KIFC3: variants seen among roughly 807,000 people sequenced by gnomAD.
The protein encoded by KIFC3 is kinesin family member C3.
KIFC3 carries 60 observed loss-of-function variants against 101.8 expected under a neutral mutation model. The ratio of observed to expected loss-of-function variants is 0.59; its 90% CI spans 0.48 to 0.73. KIFC3 has a LOEUF of 0.73. Among genes scored for constraint, KIFC3 ranks in the 30% least tolerant of loss-of-function variants. The pLI, the probability that KIFC3 is intolerant of heterozygous loss-of-function variation, is 0.00. For synonymous variants in KIFC3, 476 were observed against 482.7 expected, an observed-to-expected ratio of 0.99 and a Z score of 0.18; for missense variants, 966 against 1,137.1, an observed-to-expected ratio of 0.85 and a Z score of 2.16.
At chr16:57,788,101 A>G (rs1229810638) in intron 3 of KIFC3, among the ~76,000 whole-genome samples, 1 of 152,178 alleles carries the variant, frequency 6.6e-6, no homozygotes, top group Non-Finnish European at 1.5e-5. Flanking sequence ...GCCAGGGAAG[A>G]GCTGAGCCAC....
At chr16:57,857,393 TTC>T (rs398100201) in intron 1 of KIFC3, among the ~76,000 whole-genome samples, 21 of 72,956 alleles carry the variant, frequency 2.9e-4, no homozygotes, top group Admixed American at 1.1e-3. Flanking sequence ...CCTAAAACCT[TTC>T]TTTTTTTTTT....
rs202247445 is a variant in KIFC3 at position 57,771,694 on chromosome 16, G to C, written c.382-8C>G. 2 of 1,609,470 alleles carry C rather than the reference G, an allele frequency of 1.2e-6. No homozygotes were observed. Among genetic ancestry groups the C allele is most frequent in the South Asian group, 1.1e-5 (1 of 90,418 alleles). On this transcript the variant is annotated splice_region_variant and splice_polypyrimidine_tract_variant and intron_variant, in intron 4 of 19. Coordinates refer to ENST00000445690, the MANE Select transcript of KIFC3 (RefSeq NM_001130100.2). The stretch of plus-strand genomic sequence containing the variant: ...CTCCAAGTCGGTGCCCCCCTGCAGA[G>C]AGCCAGGGCCGAGGGGGCGCATGTG...
intron 11 of KIFC3, chr16:57,764,478 C>T: frequency 1.9e-6 from 1 of 534,736 alleles, no homozygotes; most frequent in South Asian, 2.1e-5. Flanking sequence ...TGCCTGCTGC[C>T]CTTCCCCCAG....
At chr16:57,857,257 C>T (rs901350432) in intron 1 of KIFC3, among the ~76,000 whole-genome samples, 7 of 152,074 alleles carry the variant, frequency 4.6e-5, no homozygotes, top group African/African-American at 1.2e-4. Flanking sequence ...ATCGCCATAC[C>T]TTAGATACTG....
chr16:57,854,598 A>G (rs2056125262), intron 1 of KIFC3, among the ~76,000 whole-genome samples: 1 of 151,022 alleles, frequency 6.6e-6, no homozygotes, highest in Non-Finnish European at 1.5e-5. Flanking sequence ...ACTCCACTCC[A>G]GCCTGGGTGA....
intron 1 of KIFC3, among the ~76,000 whole-genome samples, chr16:57,821,937 A>G (rs1285345095): frequency 6.6e-6 from 1 of 151,960 alleles, no homozygotes; most frequent in Non-Finnish European, 1.5e-5. Flanking sequence ...TTAGCCTGGC[A>G]TGGTGGCGTA....
At chr16:57,839,129 G>A (rs943994377) in intron 1 of KIFC3, among the ~76,000 whole-genome samples, 1 of 152,002 alleles carries the variant, frequency 6.6e-6, no homozygotes, top group Non-Finnish European at 1.5e-5. Context: ...GGAGGTCAAG[G>A]CTGCAGTGAG....
At chr16:57,821,429 C>T (rs1300058427) in intron 1 of KIFC3, among the ~76,000 whole-genome samples, 4 of 152,182 alleles carry the variant, frequency 2.6e-5, no homozygotes, top group African/African-American at 7.2e-5. Flanking sequence ...CTACAGCTAC[C>T]ACCACAGAGA....
At position 57,801,637 on chromosome 16, in the gene KIFC3, G is replaced by A. The variant is rs578086057; in HGVS notation, c.-40+733C>T. On this transcript the variant is annotated intron_variant, in intron 1 of 19. Transcript: ENST00000445690. ...GAAAGACCAGGGGTGGCCACAACCC[G>A]CAATCTTGAGACAGTGTTGGGGTAT... 3.9e-5 allele frequency among the ~76,000 whole-genome samples: 6 copies of A among 152,366 alleles called. No individual in the cohort carries two copies. In the East Asian group the frequency reaches 1.2e-3, roughly 29 times the overall value.
intron 1 of KIFC3, among the ~76,000 whole-genome samples, chr16:57,862,193 C>CTTTTT (rs55718589): frequency 7.8e-6 from 1 of 128,418 alleles, no homozygotes; most frequent in South Asian, 2.5e-4. Context: ...CTACATCTGG[C>CTTTTT]TTTTTTTTTT....
chr16:57,843,004 A>AGG (rs2055843517), intron 1 of KIFC3, among the ~76,000 whole-genome samples: 2 of 152,044 alleles, frequency 1.3e-5, no homozygotes, highest in Admixed American at 1.3e-4. Flanking sequence ...ATGGTGGTGC[A>AGG]AGCCTGTAAT....
At chr16:57,780,577 TTAAAAAAAAAA>T (rs2052602911) in intron 3 of KIFC3, among the ~76,000 whole-genome samples, 1 of 140,186 alleles carries the variant, frequency 7.1e-6, no homozygotes. Context: ...TTAAAATGAT[TTAAAAAAAAAA>T]AAAAGAAGAA....
At chr16:57,788,550 G>A (rs782621597) in intron 3 of KIFC3, 20 of 1,279,314 alleles carry the variant, frequency 1.6e-5, no homozygotes, top group South Asian at 2.5e-5. Flanking sequence ...GGGGAGTGCC[G>A]GTTTGGCGGG....
intron 11 of KIFC3, among the ~76,000 whole-genome samples, chr16:57,764,779 GA>G (rs2148886538): frequency 6.6e-6 from 1 of 152,110 alleles, no homozygotes; most frequent in East Asian, 1.9e-4. Context: ...CCCGGATGGG[GA>G]AGATGGGCAG....
At chr16:57,760,568 G>A in intron 16 of KIFC3, 152 bp from the exon 17 acceptor site, 3 of 1,148,966 alleles carry the variant, frequency 2.6e-6, no homozygotes, top group South Asian at 2.8e-5. Flanking sequence ...AGGTGCTGTG[G>A]TCAAAGGTGG....
intron 1 of KIFC3, among the ~76,000 whole-genome samples, chr16:57,846,959 C>T (rs1422212689): frequency 6.6e-6 from 1 of 152,090 alleles, no homozygotes; most frequent in Non-Finnish European, 1.5e-5. Flanking sequence ...CCAAGGTGGG[C>T]AGACCACTTG....
chr16:57,803,714 A>G (rs1172633259), upstream of KIFC3, among the ~76,000 whole-genome samples: 4 of 152,234 alleles, frequency 2.6e-5, no homozygotes, highest in Admixed American at 1.3e-4. Flanking sequence ...TTATTTGACA[A>G]CTGAGATTCC....
chr16:57,810,648 T>C (rs1310617238), intron 1 of KIFC3: 3 of 985,398 alleles, frequency 3.0e-6, no homozygotes, highest in Non-Finnish European at 3.6e-6. Context: ...TGCAGGGCCC[T>C]GAATGCCAGG....
At chr16:57,790,066 CTTTCTTTCTTTCTTT>C (rs1481171391) in intron 3 of KIFC3, among the ~76,000 whole-genome samples, 10 of 64,128 alleles carry the variant, frequency 1.6e-4, no homozygotes, top group South Asian at 5.9e-4. Flanking sequence ...TTCTTTCTTT[CTTTCTTTCTTTCTTT>C]TTTTTTTTTT....
Sources: allele counts gnomAD v4.1 joint callset (sites outside exome capture counted in the v4.1 genomes callset), GRCh38; gene constraint gnomAD v4.1.1; transcripts MANE v1.5; gene names NCBI Gene and HGNC (gene_info 2026-07-23, HGNC 2026-07-21).